Variants in CDC42SE2 observed in about 807,000 individuals in gnomAD.
The protein encoded by CDC42SE2 is CDC42 small effector 2, also known as CDC42 small effector protein 2.
CDC42SE2 carries 3 observed loss-of-function variants against 11.5 expected under a neutral mutation model. The ratio of observed to expected loss-of-function variants is 0.26; its 90% confidence interval spans 0.12 to 0.67. CDC42SE2 has a LOEUF of 0.67. Among genes scored for constraint, CDC42SE2 ranks in the 30% least tolerant of loss-of-function variants. The pLI, the probability that CDC42SE2 is intolerant of heterozygous loss-of-function variation, is 0.80. For synonymous variants in CDC42SE2, 33 were observed against 34.8 expected, an observed-to-expected ratio of 0.95 and a Z score of 0.18; for missense variants, 82 against 106.8, an observed-to-expected ratio of 0.77 and a Z score of 1.02.
Position 131,394,164 on chromosome 5 carries a change from T to A in CDC42SE2, c.*3073T>A, listed in dbSNP as rs1750778329. ...ATCTCATTTTTAAATTGAAGCGAAT[T>A]AAATAGGATTTTACTACTCAACATT... is the stretch of plus-strand genomic sequence containing the variant. On this transcript the variant is annotated 3_prime_UTR_variant, in exon 5 of 5. Coordinates refer to ENST00000505065, the MANE Select transcript of CDC42SE2 (RefSeq NM_001375635.1). The A allele has an allele frequency of 6.6e-6, 1 of 152,360 alleles. No homozygotes were observed. The highest frequency in any genetic ancestry group is 1.5e-5 in the Non-Finnish European group (1 of 68,038). 9.4% of individuals were successfully genotyped at this position (152,360 alleles called of 1,614,324 possible).
chr5:131,263,301 C>T (rs1756771258), upstream of CDC42SE2, among the ~76,000 whole-genome samples: 2 of 152,104 alleles, frequency 1.3e-5, no homozygotes, highest in Non-Finnish European at 2.9e-5. Flanking sequence ...CCATACATTA[C>T]TTACAGGTTC....
chr5:131,329,761 C>A (rs907672132), intron 2 of CDC42SE2, among the ~76,000 whole-genome samples: 16 of 151,080 alleles, frequency 1.1e-4, no homozygotes, highest in Non-Finnish European at 2.4e-4. Context: ...CCCCTGTAAT[C>A]CCAGCTACTT....
intron 1 of CDC42SE2, among the ~76,000 whole-genome samples, chr5:131,302,061 C>T (rs543782587): frequency 2.4e-4 from 36 of 152,218 alleles, no homozygotes; most frequent in African/African-American, 7.9e-4. Context: ...GACTGCAATG[C>T]GGTGACGAGA....
chr5:131,343,726 A>G (rs954020224), intron 2 of CDC42SE2, among the ~76,000 whole-genome samples: 4 of 151,696 alleles, frequency 2.6e-5, no homozygotes, highest in Admixed American at 6.6e-5. Context: ...AAAAAAAAAA[A>G]AGAGAGAGAG....
At chr5:131,369,041 C>T (rs559018688) in intron 3 of CDC42SE2, among the ~76,000 whole-genome samples, 6 of 152,210 alleles carry the variant, frequency 3.9e-5, no homozygotes, top group Admixed American at 3.9e-4. Flanking sequence ...ACACACGTGC[C>T]TGTTCCAACA....
intron 1 of CDC42SE2, among the ~76,000 whole-genome samples, chr5:131,279,029 C>G (rs1263571349): frequency 6.6e-6 from 1 of 151,658 alleles, no homozygotes; most frequent in East Asian, 2.0e-4. Flanking sequence ...AAGTGATGCG[C>G]ATGCCTCGAT....
At chr5:131,328,275 T>C (rs1758339956) in intron 2 of CDC42SE2, among the ~76,000 whole-genome samples, 1 of 152,208 alleles carries the variant, frequency 6.6e-6, no homozygotes. Flanking sequence ...TTTTGTGATA[T>C]CTAATATTAA....
chr5:131,229,673 C>A, the CDC42SE2 span, among the ~76,000 whole-genome samples: 2 of 152,176 alleles, frequency 1.3e-5, no homozygotes, highest in African/African-American at 2.4e-5. Flanking sequence ...GTGGTTCATG[C>A]CTATAATCCC....
At chr5:131,378,580 C>T (rs1430381033) in intron 3 of CDC42SE2, among the ~76,000 whole-genome samples, 1 of 152,194 alleles carries the variant, frequency 6.6e-6, no homozygotes, top group Non-Finnish European at 1.5e-5. Context: ...ACCGTACAGA[C>T]TTGTTTATTA....
intron 2 of CDC42SE2, among the ~76,000 whole-genome samples, chr5:131,346,169 A>G (rs1225141305): frequency 1.3e-5 from 2 of 152,250 alleles, no homozygotes. Context: ...CCTTAAATGT[A>G]AATGGGCTAA....
chr5:131,304,584 A>G (rs555106169), intron 1 of CDC42SE2, among the ~76,000 whole-genome samples: 1 of 152,210 alleles, frequency 6.6e-6, no homozygotes, highest in Non-Finnish European at 1.5e-5. Flanking sequence ...ATTTCTACCA[A>G]ATTTAATGGA....
intron 4 of CDC42SE2, among the ~76,000 whole-genome samples, chr5:131,387,531 G>T (rs910008915): frequency 6.6e-6 from 1 of 152,154 alleles, no homozygotes; most frequent in Admixed American, 6.5e-5. Flanking sequence ...CAGCCTGGGT[G>T]ACAGAGTGAA....
chr5:131,339,822 A>AG (rs1163611655), intron 2 of CDC42SE2, among the ~76,000 whole-genome samples: 4 of 151,488 alleles, frequency 2.6e-5, no homozygotes, highest in African/African-American at 4.9e-5. Flanking sequence ...AAAAAAAAAA[A>AG]AGAGAGAGAA....
Position 131,304,368 on chromosome 5 carries a change from G to C in CDC42SE2, c.-454-11608G>C, listed in dbSNP as rs527499643. Among the ~76,000 whole-genome samples the C allele has an allele frequency of 8.4e-4, 128 of 152,212 alleles. 1 individual carries two copies. Among genetic ancestry groups the C allele is most frequent in the African/African-American group, 2.6e-3 (109 of 41,514 alleles). ...TCAGTATAAATGACAGGTAGATAGG[G>C]ATAGAGGTGGCATTTAATATGATAC... On this transcript the variant is annotated intron_variant, in intron 1 of 4. Transcript: ENST00000505065.
chr5:131,314,077 T>C (rs1757988279), intron 1 of CDC42SE2, among the ~76,000 whole-genome samples: 1 of 152,190 alleles, frequency 6.6e-6, no homozygotes. Context: ...GTTGACTATA[T>C]TGATCAAATT....
chr5:131,296,063 G>C (rs932681781), intron 1 of CDC42SE2, among the ~76,000 whole-genome samples: 2 of 152,214 alleles, frequency 1.3e-5, no homozygotes, highest in South Asian at 4.1e-4. Flanking sequence ...ATACGAACAC[G>C]ACTGTCCTGT....
chr5:131,309,473 G>T (rs1410356793), intron 1 of CDC42SE2, among the ~76,000 whole-genome samples: 1 of 151,934 alleles, frequency 6.6e-6, no homozygotes, highest in Non-Finnish European at 1.5e-5. Context: ...AATGAGTTAG[G>T]GAGGATTCCC....
At chr5:131,221,165 C>T in the CDC42SE2 span, among the ~76,000 whole-genome samples, 30 of 152,248 alleles carry the variant, frequency 2.0e-4, no homozygotes, top group East Asian at 3.5e-3. Flanking sequence ...AGATTACAGA[C>T]GCCCAGCCTC....
At position 131,385,579 on chromosome 5, in the gene CDC42SE2, G is replaced by A. The variant is rs766101902; in HGVS notation, c.91G>A (p.Glu31Lys). ...GCGGATTGACAGAAGTATGATTGGA[G>A]AGCCCACAAACTTTGTGCATACAGC... is the stretch of plus-strand genomic sequence containing the variant. Reference protein sequence around the residue: ...RRRIDRSMIGEPTNFVHTAHV... With the variant: ...RRRIDRSMIGKPTNFVHTAHV... The change falls in exon 4 of 5, where the codon GAG becomes AAG. Residue 31 changes from glutamate to lysine, a missense_variant. By Grantham distance (56) the Glu-to-Lys change is moderately conservative. Transcript: ENST00000505065. 1 of 1,613,778 alleles carries A rather than the reference G, an allele frequency of 6.2e-7. No individual in the cohort carries two copies. Among genetic ancestry groups the A allele is most frequent in the East Asian group, 2.2e-5 (1 of 44,870 alleles).
Sources: allele counts gnomAD v4.1 joint callset (sites outside exome capture counted in the v4.1 genomes callset), GRCh38; gene constraint gnomAD v4.1.1; transcripts MANE v1.5; gene names NCBI Gene and HGNC (gene_info 2026-07-23, HGNC 2026-07-21).